EPB41L2: variants seen among roughly 807,000 people sequenced by gnomAD.
EPB41L2 encodes the protein erythrocyte membrane protein band 4.1 like 2, also known as band 4.1-like protein 2.
A neutral mutation model predicts 113.0 loss-of-function variants in EPB41L2; 43 were observed. The ratio of observed to expected loss-of-function variants is 0.38; its 90% CI spans 0.30 to 0.49. The LOEUF (loss-of-function observed/expected upper bound fraction) is 0.49. Among genes scored for constraint, EPB41L2 ranks in the 20% least tolerant of loss-of-function variants. The probability of loss-of-function intolerance (pLI) is 0.95; values close to 1 mark genes in which losing one functional copy is unlikely to be tolerated. For synonymous variants in EPB41L2, 442 were observed against 436.7 expected (o/e 1.01, Z -0.15); for missense variants, 1,147 against 1,223.4 (o/e 0.94, Z 0.93).
chr6:131,031,292 CAG>C (rs1353378739), intron 1 of EPB41L2, among the ~76,000 whole-genome samples: 1 of 151,554 alleles, frequency 6.6e-6, no homozygotes, highest in Non-Finnish European at 1.5e-5. Flanking sequence ...AGAAAATATA[CAG>C]AGATTTTTTT....
Position 131,061,618 on chromosome 6 carries a change from C to T in EPB41L2, c.-15+1537G>A, listed in dbSNP as rs78834739. Among the ~76,000 whole-genome samples, 9 of 152,284 alleles carry T rather than the reference C, an allele frequency of 5.9e-5. No homozygotes were observed. In the East Asian group the frequency reaches 1.7e-3, roughly 29 times the overall value. ...CAAAGGGAAACTGAATAGGATTAAG[C>T]ACTATTCGTTCCCCCACTGAAACCT... On this transcript the variant is annotated intron_variant, in intron 1 of 19. Coordinates refer to ENST00000337057, the MANE Select transcript of EPB41L2 (RefSeq NM_001431.4).
intron 1 of EPB41L2, among the ~76,000 whole-genome samples, chr6:130,998,211 C>T (rs938311949): frequency 6.6e-6 from 1 of 152,190 alleles, no homozygotes; most frequent in African/African-American, 2.4e-5. Context: ...CCTTCACTTA[C>T]TAGCTATGAG....
chr6:130,882,841 A>G (rs1040415022), intron 12 of EPB41L2: 10 of 152,728 alleles, frequency 6.5e-5, no homozygotes, highest in African/African-American at 2.4e-4. Flanking sequence ...ATTTGGAGAA[A>G]CTGAAGGAGA....
chr6:131,058,746 T>C (rs1001660720), intron 1 of EPB41L2, among the ~76,000 whole-genome samples: 3 of 152,196 alleles, frequency 2.0e-5, no homozygotes, highest in Admixed American at 2.0e-4. Flanking sequence ...CTGGGTGCGG[T>C]GGCTCACACC....
chr6:131,002,847 C>T (rs1288828389), intron 1 of EPB41L2, among the ~76,000 whole-genome samples: 3 of 152,106 alleles, frequency 2.0e-5, no homozygotes, highest in African/African-American at 4.8e-5. Context: ...TTTCACTCAA[C>T]GTTACAGTTA....
At chr6:131,025,201 T>A (rs951175844) in intron 1 of EPB41L2, among the ~76,000 whole-genome samples, 1 of 152,148 alleles carries the variant, frequency 6.6e-6, no homozygotes, top group Non-Finnish European at 1.5e-5. Flanking sequence ...CTAAGGCCTG[T>A]TTCCCCCCCG....
At chr6:130,858,400 CTG>C in intron 18 of EPB41L2, 157 bp from the exon 19 acceptor site, 1 of 557,412 alleles carries the variant, frequency 1.8e-6, no homozygotes, top group Non-Finnish European at 3.2e-6. Flanking sequence ...AATGGGTTCA[CTG>C]TCATTTTACA....
At chr6:130,949,922 C>T (rs376622828) in intron 3 of EPB41L2, among the ~76,000 whole-genome samples, 1 of 152,114 alleles carries the variant, frequency 6.6e-6, no homozygotes, top group African/African-American at 2.4e-5. Context: ...CTTTTCTCTA[C>T]CTTATTGTTA....
intron 1 of EPB41L2, among the ~76,000 whole-genome samples, chr6:130,967,842 G>A (rs1013161361): frequency 6.6e-6 from 1 of 152,142 alleles, no homozygotes; most frequent in African/African-American, 2.4e-5. Flanking sequence ...AATATCTTTT[G>A]TGATGTTCCT....
intron 1 of EPB41L2, among the ~76,000 whole-genome samples, chr6:131,010,090 A>T (rs575571147): frequency 6.6e-6 from 1 of 152,380 alleles, no homozygotes; most frequent in African/African-American, 2.4e-5. Context: ...CAAGTGTCTA[A>T]TTAATGCTTT....
intron 14 of EPB41L2, chr6:130,872,424 C>G (rs934576728): frequency 3.1e-6 from 4 of 1,289,224 alleles, no homozygotes; most frequent in Admixed American, 4.6e-5. Flanking sequence ...GGTGCATTAG[C>G]GCTCACAACA....
intron 3 of EPB41L2, among the ~76,000 whole-genome samples, chr6:130,948,133 A>T (rs1813578806): frequency 6.6e-6 from 1 of 152,228 alleles, no homozygotes; most frequent in African/African-American, 2.4e-5. Flanking sequence ...AATATTAAGT[A>T]ATCATCTATT....
intron 14 of EPB41L2, among the ~76,000 whole-genome samples, chr6:130,873,960 G>T (rs1461960378): frequency 1.3e-5 from 2 of 152,144 alleles, no homozygotes; most frequent in Non-Finnish European, 2.9e-5. Context: ...ATCGTCCCTT[G>T]GGGAAGTGGG....
chr6:130,973,123 A>G (rs1174521972), intron 1 of EPB41L2, among the ~76,000 whole-genome samples: 1 of 152,050 alleles, frequency 6.6e-6, no homozygotes, highest in Non-Finnish European at 1.5e-5. Context: ...AAAATTTTAA[A>G]AAGTAAGGTT....
intron 1 of EPB41L2, among the ~76,000 whole-genome samples, chr6:131,040,484 A>C (rs968596429): frequency 5.3e-5 from 8 of 152,164 alleles, no homozygotes; most frequent in African/African-American, 1.9e-4. Context: ...TGTGTATTTT[A>C]CCACAATTCT....
At chr6:130,865,797 T>G (rs1582834927) in intron 16 of EPB41L2, 163 bp from the exon 17 acceptor site, 3 of 654,882 alleles carry the variant, frequency 4.6e-6, no homozygotes, top group Non-Finnish European at 5.1e-6. Context: ...TGAAACCGAG[T>G]AGAGGCAAAA....
intron 1 of EPB41L2, among the ~76,000 whole-genome samples, chr6:130,990,190 A>T (rs1781493940): frequency 6.6e-6 from 1 of 152,104 alleles, no homozygotes; most frequent in Non-Finnish European, 1.5e-5. Context: ...GTGTGGTGGT[A>T]CATGACTGCA....
intron 17 of EPB41L2, among the ~76,000 whole-genome samples, chr6:130,864,117 T>A (rs1209360892): frequency 2.0e-5 from 3 of 151,958 alleles, no homozygotes; most frequent in Admixed American, 2.0e-4. Context: ...AAAAGGAGAG[T>A]AGGGAGAAAT....
At chr6:130,844,968 C>T (rs145008268) in intron 19 of EPB41L2, among the ~76,000 whole-genome samples, 7,365 of 152,100 alleles carry the variant, frequency 0.048, 408 homozygotes, top group East Asian at 0.27. Context: ...CTTGAACCCA[C>T]GAGGCAGAAG....
Sources: allele counts gnomAD v4.1 joint callset (sites outside exome capture counted in the v4.1 genomes callset), GRCh38; gene constraint gnomAD v4.1.1; transcripts MANE v1.5; gene names NCBI Gene and HGNC (gene_info 2026-07-23, HGNC 2026-07-21).